Variants in PDE4D observed in about 807,000 individuals in gnomAD.
The protein encoded by PDE4D is 3',5'-cyclic-AMP phosphodiesterase 4D.
Under a neutral mutation model 87.4 loss-of-function variants are expected in PDE4D, and 24 were observed. The ratio of observed to expected loss-of-function variants is 0.27; its 90% confidence interval spans 0.20 to 0.39. The LOEUF is 0.39. Ranked by LOEUF, PDE4D falls within the 10% of genes least tolerant of loss-of-function variation. The pLI is 1.00. For synonymous variants in PDE4D, 384 were observed against 383.2 expected (o/e 1.00, Z -0.02); for missense variants, 714 against 1,041.0 (o/e 0.69, Z 4.32).
chr5:60,513,111 C>G (rs913904020), intron 1 of PDE4D, among the ~76,000 whole-genome samples: 1 of 151,974 alleles, frequency 6.6e-6, no homozygotes, highest in Admixed American at 6.5e-5. Context: ...TTAAACAAAA[C>G]ACAAATATAA....
chr5:59,296,023 T>C (rs937938724), intron 1 of PDE4D, among the ~76,000 whole-genome samples: 1 of 151,824 alleles, frequency 6.6e-6, no homozygotes, highest in Non-Finnish European at 1.5e-5. Context: ...CAGAGAAATG[T>C]GAAGTTATAT....
At chr5:60,441,706 T>A (rs1745228817) in intron 1 of PDE4D, among the ~76,000 whole-genome samples, 2 of 152,040 alleles carry the variant, frequency 1.3e-5, no homozygotes, top group African/African-American at 4.8e-5. Context: ...AGGACTAATA[T>A]TCAGAATCTA....
Position 59,180,291 on chromosome 5 carries a change from T to C in PDE4D, c.808+304A>G, listed in dbSNP as rs9292195. ...ACATGTGTGGAACCAGAATGGGAAG[T>C]GACTTGAAAGTAACATCATCTCTCA... On this transcript the variant is annotated intron_variant, in intron 5 of 14. Coordinates refer to ENST00000340635, the MANE Select transcript of PDE4D (RefSeq NM_001104631.2). 417,827 of 524,864 alleles carry C rather than the reference T, an allele frequency of 0.8. 168,698 individuals carry two copies. The highest frequency in any genetic ancestry group is 0.85 in the Non-Finnish European group (237,076 of 278,756). The allele number at this position is 524,864 out of a possible 1,614,324, so 32.5% of individuals were successfully genotyped here.
At chr5:60,102,172 G>A (rs925330894) in intron 2 of PDE4D, among the ~76,000 whole-genome samples, 1 of 152,116 alleles carries the variant, frequency 6.6e-6, no homozygotes, top group African/African-American at 2.4e-5. Flanking sequence ...TAATTTGCAA[G>A]TGAAGTAGGT....
At chr5:60,366,645 G>T (rs1022335332) in intron 1 of PDE4D, among the ~76,000 whole-genome samples, 1 of 152,126 alleles carries the variant, frequency 6.6e-6, no homozygotes, top group African/African-American at 2.4e-5. Context: ...CCTCCCTCTG[G>T]GCTGGCACAG....
intron 1 of PDE4D, among the ~76,000 whole-genome samples, chr5:60,476,428 C>T (rs1748328590): frequency 6.6e-6 from 1 of 152,148 alleles, no homozygotes; most frequent in Admixed American, 6.5e-5. Context: ...ACAGCCCCTG[C>T]CATGACTGTC....
At chr5:60,430,657 G>T (rs994581910) in intron 1 of PDE4D, 25 of 224,488 alleles carry the variant, frequency 1.1e-4, no homozygotes, top group Non-Finnish European at 1.9e-4. Flanking sequence ...GTGAACAAAG[G>T]TCTCTGGTTT....
chr5:60,190,902 T>C (rs757502862), intron 1 of PDE4D, among the ~76,000 whole-genome samples: 2 of 152,192 alleles, frequency 1.3e-5, no homozygotes, highest in Non-Finnish European at 2.9e-5. Flanking sequence ...AGTCAAGTGA[T>C]CTGTGATTTG....
intron 5 of PDE4D, among the ~76,000 whole-genome samples, chr5:59,123,308 T>C (rs1774886097): frequency 6.6e-6 from 1 of 152,190 alleles, no homozygotes. Context: ...TAAAAACGTT[T>C]CCATGGCATC....
intron 1 of PDE4D, among the ~76,000 whole-genome samples, chr5:59,338,938 A>G (rs766344810): frequency 6.6e-6 from 1 of 152,252 alleles, no homozygotes; most frequent in Non-Finnish European, 1.5e-5. Context: ...TTATGAAAAT[A>G]TCTTATGAAA....
At chr5:59,988,390 A>G in intron 3 of PDE4D, 2 of 663,338 alleles carry the variant, frequency 3.0e-6, no homozygotes, top group Non-Finnish European at 4.9e-6. Context: ...TTGTTCTCCC[A>G]CTCAAATCAA....
intron 1 of PDE4D, among the ~76,000 whole-genome samples, chr5:59,522,662 G>T (rs1812448411): frequency 6.6e-6 from 1 of 152,174 alleles, no homozygotes; most frequent in Non-Finnish European, 1.5e-5. Context: ...TCTGGGCAAA[G>T]AATCTTGAGG....
intron 1 of PDE4D, among the ~76,000 whole-genome samples, chr5:59,304,194 CT>C (rs1222564242): frequency 6.6e-6 from 1 of 151,944 alleles, no homozygotes; most frequent in East Asian, 1.9e-4. Context: ...TGATTCTCCC[CT>C]TGGTCACTGT....
At chr5:60,298,619 T>C (rs1013556177) in intron 1 of PDE4D, among the ~76,000 whole-genome samples, 3 of 152,212 alleles carry the variant, frequency 2.0e-5, no homozygotes, top group Non-Finnish European at 4.4e-5. Flanking sequence ...GTTTTTCACA[T>C]CAATTTTAGC....
At chr5:59,293,549 G>A (rs146684532) in intron 1 of PDE4D, among the ~76,000 whole-genome samples, 6 of 152,168 alleles carry the variant, frequency 3.9e-5, no homozygotes, top group African/African-American at 1.4e-4. Flanking sequence ...AGTGGATATG[G>A]TCATTATTTT....
At chr5:60,267,392 A>T (rs1232526887) in intron 1 of PDE4D, among the ~76,000 whole-genome samples, 3 of 152,248 alleles carry the variant, frequency 2.0e-5, no homozygotes, top group African/African-American at 7.2e-5. Flanking sequence ...ACACATACAC[A>T]TAAAAGATAA....
intron 6 of PDE4D, among the ~76,000 whole-genome samples, chr5:59,016,341 T>C (rs1302143173): frequency 2.0e-5 from 3 of 146,448 alleles, no homozygotes; most frequent in African/African-American, 7.4e-5. Context: ...TGCCACTGTT[T>C]CATATCACAG....
In PDE4D at chr5:58,988,462, A is replaced by G. The variant is rs181127660; in HGVS notation, c.1552+31T>C. The G allele has an allele frequency of 7.4e-6, 7 of 939,870 alleles. No individual in the cohort carries two copies. In the East Asian group the frequency reaches 2.0e-4, roughly 27 times the overall value. 58.2% of individuals were successfully genotyped at this position (939,870 alleles called of 1,614,324 possible). A position where few individuals can be genotyped will look rare whatever the true frequency, so the allele number is the denominator to read the frequency against. ...GTCATTCTAAAATGTACAAGGGAAA[A>G]ATGTGTTCTGAAAAAATAAAGTTTA... is the stretch of plus-strand genomic sequence containing the variant. On this transcript the variant is annotated intron_variant, in intron 11 of 14. Transcript: ENST00000340635.
intron 2 of PDE4D, chr5:59,215,565 G>A: frequency 1.9e-6 from 1 of 539,714 alleles, no homozygotes; most frequent in Non-Finnish European, 3.3e-6. Context: ...GTGTGTGTGT[G>A]TGTGTGTGTG....
Sources: allele counts gnomAD v4.1 joint callset (sites outside exome capture counted in the v4.1 genomes callset), GRCh38; gene constraint gnomAD v4.1.1; transcripts MANE v1.5; gene names NCBI Gene and HGNC (gene_info 2026-07-23, HGNC 2026-07-21).